The following TRARG1 variants were observed in gnomAD, a reference collection of about 807,000 sequenced individuals.
TRARG1 encodes trafficking regulator of GLUT4 1.
A neutral mutation model predicts 13.3 loss-of-function variants in TRARG1; 16 were observed. That is an observed-to-expected ratio of 1.20 (90% CI 0.81 to 1.83). The LOEUF (loss-of-function observed/expected upper bound fraction) is 1.83, where lower values mean the gene tolerates loss of function less well. Ranked by LOEUF, TRARG1 falls within the 40% of genes most tolerant of loss-of-function variation. TRARG1 has a pLI of 0.00. For synonymous variants in TRARG1, 113 were observed against 106.2 expected (o/e 1.06, Z -0.39); for missense variants, 250 against 237.4 (o/e 1.05, Z -0.35).
At chr17:1,282,312 G>GTATATATGTACGTATATGTACATATGCT (rs1567928391) in intron 1 of TRARG1, among the ~76,000 whole-genome samples, 1 of 150,542 alleles carries the variant, frequency 6.6e-6, no homozygotes, top group Non-Finnish European at 1.5e-5. Context: ...GTACATATGC[G>GTATATATGTACGTATATGTACATATGCT]TATATATGTA....
chr17:1,293,512 A>G (rs1371741850), intron 1 of TRARG1, among the ~76,000 whole-genome samples: 2 of 146,140 alleles, frequency 1.4e-5, no homozygotes, highest in African/African-American at 5.2e-5. Context: ...GTTGTGCTTG[A>G]TGATGTCGCA....
chr17:1,279,866 G>GGCCC lies in TRARG1; in HGVS notation c.-135_-132dup. On this transcript the variant is annotated 5_prime_UTR_variant, in exon 1 of 3. Transcript: ENST00000333813. Reference sequence around the variant, plus strand: ...AGCCCAACCCTTCCAGCACCCAGCCGGCCCTCCGTCTCCTGAGGGACGCCC... The same window carrying GGCCC: ...AGCCCAACCCTTCCAGCACCCAGCCGGCCCGCCCTCCGTCTCCTGAGGGACGCCC... 1 of 1,015,838 alleles carries GGCCC rather than the reference G, an allele frequency of 9.8e-7. No homozygotes were observed. The highest frequency in any genetic ancestry group is 1.9e-5 in the South Asian group (1 of 53,632). The allele number at this position is 1,015,838 out of a possible 1,614,324, so 62.9% of individuals were successfully genotyped here.
At chr17:1,280,467 A>G (rs1281830738) in intron 1 of TRARG1, 79 bp downstream of exon 1, 2 of 1,393,118 alleles carry the variant, frequency 1.4e-6, no homozygotes, top group Non-Finnish European at 9.7e-7. Flanking sequence ...GGCACCAAAC[A>G]CTGCCCAGGG....
At chr17:1,292,084 C>G (rs2072073239) in intron 1 of TRARG1, among the ~76,000 whole-genome samples, 1 of 151,948 alleles carries the variant, frequency 6.6e-6, no homozygotes, top group Non-Finnish European at 1.5e-5. Flanking sequence ...AGGAGAAATG[C>G]TTGAACCCGG....
intron 1 of TRARG1, among the ~76,000 whole-genome samples, chr17:1,286,743 G>A (rs963507028): frequency 3.7e-5 from 5 of 133,342 alleles, no homozygotes; most frequent in South Asian, 2.5e-4. Context: ...TGTTGTTTTC[G>A]GCCTGTGGGG....
Position 1,298,610 on chromosome 17 carries a change from C to T in TRARG1, c.*346C>T, listed in dbSNP as rs1300637253. The T allele has an allele frequency of 1.8e-5, 6 of 325,154 alleles. No homozygotes were observed. The highest frequency in any genetic ancestry group is 1.4e-4 in the Admixed American group (3 of 21,070). The allele number at this position is 325,154 out of a possible 1,614,324, so 20.1% of individuals were successfully genotyped here. A position where few individuals can be genotyped will look rare whatever the true frequency, so the allele number is the denominator to read the frequency against. On this transcript the variant is annotated 3_prime_UTR_variant, in exon 3 of 3. Transcript: ENST00000333813. ...CTGCCAGGATGAATGAGGAAAAAAC[C>T]CAGCCCCACAAACGAGACACACGCT...
rs953197897 is a variant in TRARG1, at chr17:1,298,245, T to G, written c.521-6T>G. On this transcript the variant is annotated splice_region_variant and splice_polypyrimidine_tract_variant and intron_variant, in intron 2 of 2. Transcript: ENST00000333813. ...GTTCTGCCATATCTGTTTTTTTTCTTTACAGTTCAGAAGAAATAAACTTAA... is the reference window on the plus strand; with the variant it reads ...GTTCTGCCATATCTGTTTTTTTTCTGTACAGTTCAGAAGAAATAAACTTAA... 39 of 1,613,698 alleles carry G rather than the reference T, an allele frequency of 2.4e-5. No individual in the cohort carries two copies. The highest frequency in any genetic ancestry group is 3.1e-5 in the Non-Finnish European group (37 of 1,179,860).
In TRARG1 at chr17:1,300,338, G is replaced by C. The variant is rs2072145948; in HGVS notation, c.*2074G>C. Reference sequence around the variant, plus strand: ...AGGACAGAAACGAACCGATGGTTGAGGGATTGTCACGGGAGGAACATGACA... The same window carrying C: ...AGGACAGAAACGAACCGATGGTTGACGGATTGTCACGGGAGGAACATGACA... On this transcript the variant is annotated 3_prime_UTR_variant, in exon 3 of 3. Coordinates refer to ENST00000333813, the MANE Select transcript of TRARG1 (RefSeq NM_172367.3). 6.6e-6 allele frequency: 1 copy of C among 152,190 alleles called. No individual in the cohort carries two copies. The highest frequency in any genetic ancestry group is 1.9e-4 in the East Asian group (1 of 5,186). The allele number at this position is 152,190 out of a possible 1,614,324, so 9.4% of individuals were successfully genotyped here. A position where few individuals can be genotyped will look rare whatever the true frequency, so the allele number is the denominator to read the frequency against.
chr17:1,282,043 T>C (rs1000464562), intron 1 of TRARG1, among the ~76,000 whole-genome samples: 1 of 135,732 alleles, frequency 7.4e-6, no homozygotes, highest in Admixed American at 7.7e-5. Context: ...TATACACACA[T>C]ATGTACACAT....
intron 1 of TRARG1, among the ~76,000 whole-genome samples, chr17:1,286,103 A>T (rs1204977428): frequency 6.6e-6 from 1 of 152,218 alleles, no homozygotes; most frequent in Non-Finnish European, 1.5e-5. Flanking sequence ...CCAGGAAGAA[A>T]GACACCCTGT....
intron 2 of TRARG1, 109 bp from the exon 3 acceptor site, chr17:1,298,142 C>A: frequency 7.3e-7 from 1 of 1,362,548 alleles, no homozygotes; most frequent in Non-Finnish European, 1.0e-6. Context: ...TCCCCTTATC[C>A]CTATTACCAC....
intron 1 of TRARG1, among the ~76,000 whole-genome samples, chr17:1,288,342 C>T (rs1473995661): frequency 7.6e-6 from 1 of 131,700 alleles, no homozygotes. Context: ...CCTCATCCCC[C>T]ACGGGTTCCC....
chr17:1,295,721 G>C, intron 2 of TRARG1, 98 bp downstream of exon 2: 1 of 1,436,812 alleles, frequency 7.0e-7, no homozygotes, highest in African/African-American at 1.4e-5. Context: ...GGTGGGTTGG[G>C]GGAAGGAGAA....
chr17:1,294,549 C>G (rs2072097192), intron 1 of TRARG1, among the ~76,000 whole-genome samples: 1 of 147,660 alleles, frequency 6.8e-6, no homozygotes, highest in South Asian at 2.1e-4. Flanking sequence ...TCACTGCAAC[C>G]TCCACCTCTG....
Position 1,300,080 on chromosome 17 carries a change from G to C in TRARG1, c.*1816G>C, listed in dbSNP as rs1350137266. On this transcript the variant is annotated 3_prime_UTR_variant, in exon 3 of 3. Coordinates refer to ENST00000333813, the MANE Select transcript of TRARG1 (RefSeq NM_172367.3). ...TCCAGCCTCTCCTGCTCATACAGAA[G>C]GGACTGGTTGGGTTTGCTTTATGGG... 6.6e-6 allele frequency: 1 copy of C among 152,296 alleles called. No individual in the cohort carries two copies. Among genetic ancestry groups the C allele is most frequent in the Non-Finnish European group, 1.5e-5 (1 of 68,086 alleles). 9.4% of individuals were successfully genotyped at this position (152,296 alleles called of 1,614,324 possible).
At chr17:1,282,041 CAT>C (rs1401589133) in intron 1 of TRARG1, among the ~76,000 whole-genome samples, 91 of 132,684 alleles carry the variant, frequency 6.9e-4, no homozygotes, top group African/African-American at 2.2e-3. Context: ...TATATACACA[CAT>C]ATGTACACAT....
At chr17:1,284,046 C>T (rs1480835277) in intron 1 of TRARG1, among the ~76,000 whole-genome samples, 3 of 151,480 alleles carry the variant, frequency 2.0e-5, no homozygotes, top group East Asian at 1.9e-4. Flanking sequence ...ATCCGGGAGG[C>T]GGAGCTTACA....
At chr17:1,284,353 G>A (rs372253257) in intron 1 of TRARG1, among the ~76,000 whole-genome samples, 3 of 152,328 alleles carry the variant, frequency 2.0e-5, no homozygotes, top group Admixed American at 6.5e-5. Context: ...CCGCAGTGCC[G>A]TAGCAGCACG....
rs373545515 is a variant in TRARG1 at position 1,295,502 on chromosome 17, C to A, written c.399C>A (p.Ser133Arg). Residue 133 changes from serine (S) to arginine (R), a missense_variant, in exon 2 of 3, where the codon AGC becomes AGA. Physicochemically the swap from Ser to Arg is moderately radical, Grantham distance 110. Transcript: ENST00000333813. ...PLIISIMSRS[S>R]MQQGNVDGAR... is the part of the protein sequence containing the mutation. ...TGCTCTCTCCGCAGTCTCGAAGCAG[C>A]ATGCAACAGGGCAACGTGGACGGCG... 299 of 1,608,080 alleles carry A rather than the reference C, an allele frequency of 1.9e-4. No homozygotes were observed. The highest frequency in any genetic ancestry group is 2.4e-4 in the Non-Finnish European group (283 of 1,177,536).
Sources: gnomAD v4.1 joint callset for allele counts (sites outside exome capture counted in the v4.1 genomes callset) on GRCh38, gnomAD v4.1.1 for gene constraint, MANE v1.5 for transcripts, NCBI Gene and HGNC (gene_info 2026-07-23, HGNC 2026-07-21) for gene names.